SLC6A19: variants seen among roughly 807,000 people sequenced by gnomAD.
SLC6A19 encodes solute carrier family 6 member 19, also known as sodium-dependent neutral amino acid transporter B(0)AT1.
Under a neutral mutation model 68.3 loss-of-function variants are expected in SLC6A19, and 67 were observed. The observed-to-expected ratio is 0.98, with a 90% CI of 0.81 to 1.20. SLC6A19 has a LOEUF of 1.20. SLC6A19 is among the 50% of genes most tolerant of loss of function. SLC6A19 has a pLI of 0.00. For missense variants in SLC6A19, 813 were observed against 851.6 expected (o/e 0.95, Z 0.56); for synonymous variants, 392 against 374.9 (o/e 1.05, Z -0.53).
intron 1 of SLC6A19, among the ~76,000 whole-genome samples, chr5:1,204,056 G>A (rs1410930120): frequency 6.6e-6 from 1 of 152,152 alleles, no homozygotes; most frequent in Non-Finnish European, 1.5e-5. Context: ...GTGCATCTTA[G>A]TGAGGGCCCC....
rs1357940489 is a variant in SLC6A19 at position 1,212,084 on chromosome 5, C to A, written c.482-219C>A. Reference sequence around the variant, plus strand: ...GTGTGGGGTGTGCAGGTGCATGGACCAGATGTGCACACGAGGGTGTAGCTG... The same window carrying A: ...GTGTGGGGTGTGCAGGTGCATGGACAAGATGTGCACACGAGGGTGTAGCTG... On this transcript the variant is annotated intron_variant, in intron 3 of 11. Coordinates refer to ENST00000304460, the MANE Select transcript of SLC6A19 (RefSeq NM_001003841.3). This position sits in a 1 kb window ranked among gnomAD's most constrained non-coding sequence, Gnocchi z 5.1. 1.3e-5 allele frequency among the ~76,000 whole-genome samples: 2 copies of A among 148,238 alleles called. No homozygotes were observed. The highest frequency in any genetic ancestry group is 2.5e-5 in the African/African-American group (1 of 39,878).
At chr5:1,208,049 A>G (rs1010684084) in intron 1 of SLC6A19, among the ~76,000 whole-genome samples, 3 of 152,226 alleles carry the variant, frequency 2.0e-5, no homozygotes, top group African/African-American at 4.8e-5. Flanking sequence ...TATTGAATAC[A>G]TATATGTAAA....
intron 3 of SLC6A19, among the ~76,000 whole-genome samples, chr5:1,211,899 CTG>C (rs1039702355): frequency 2.1e-5 from 3 of 139,940 alleles, no homozygotes; most frequent in South Asian, 2.3e-4. Context: ...CACTTGTGTG[CTG>C]TGTGTGTACA....
At chr5:1,204,672 GC>G (rs67520985) in intron 1 of SLC6A19, among the ~76,000 whole-genome samples, 58,305 of 148,698 alleles carry the variant, frequency 0.39, 11,929 homozygotes, top group Non-Finnish European at 0.49. Flanking sequence ...CTCAGGGGCT[GC>G]CCCCCCAGCT....
intron 10 of SLC6A19, among the ~76,000 whole-genome samples, chr5:1,219,967 G>A (rs147109149): frequency 4.6e-5 from 7 of 152,302 alleles, no homozygotes; most frequent in Middle Eastern, 3.4e-3. Flanking sequence ...GCCCACGGCC[G>A]GGGATGCTCC....
In SLC6A19 at chr5:1,208,794, C is replaced by G; in HGVS notation, c.251C>G (p.Pro84Arg). The change falls in exon 2 of 12, where the codon CCC (proline) becomes CGC (arginine). Residue 84 changes from proline (P) to arginine (R), a missense_variant. Coordinates refer to ENST00000304460, the MANE Select transcript of SLC6A19 (RefSeq NM_001003841.3). ...FLILLVLEGI[P>R]LLYLEFAIGQ... Reference sequence around the variant, plus strand: ...ATCCTGCTGGTCCTGGAGGGCATCCCCCTGCTGTACCTGGAGTTCGCCATC... The same window carrying G: ...ATCCTGCTGGTCCTGGAGGGCATCCGCCTGCTGTACCTGGAGTTCGCCATC... 6.2e-7 allele frequency: 1 copy of G among 1,613,316 alleles called. No homozygotes were observed. Among genetic ancestry groups the G allele is most frequent in the Non-Finnish European group, 8.5e-7 (1 of 1,179,984 alleles).
chr5:1,219,458 G>T (rs964939727), intron 9 of SLC6A19, 47 bp from the exon 10 acceptor site: 1 of 1,604,456 alleles, frequency 6.2e-7, no homozygotes, highest in Non-Finnish European at 8.5e-7. Context: ...CCCTGGCCGT[G>T]CGTGCAGCCC....
In SLC6A19 at chr5:1,213,489, C is replaced by G; in HGVS notation, c.690C>G (p.Pro230=). Residue 230 remains proline (P), a synonymous_variant, in exon 5 of 12, where the codon CCC becomes CCG. Transcript: ENST00000304460. ...GKAVYITSTL[P]YVVLTIFLIR... Reference sequence around the variant, plus strand: ...CCGTGTACATCACCTCCACGCTGCCCTATGTCGTCCTGACCATCTTCCTCA... The same window carrying G: ...CCGTGTACATCACCTCCACGCTGCCGTATGTCGTCCTGACCATCTTCCTCA... The G allele has an allele frequency of 5.0e-6, 8 of 1,607,884 alleles. No individual in the cohort carries two copies. The highest frequency in any genetic ancestry group is 5.9e-6 in the Non-Finnish European group (7 of 1,178,644).
At chr5:1,217,598 G>T (rs568793733) in intron 8 of SLC6A19, among the ~76,000 whole-genome samples, 2 of 152,154 alleles carry the variant, frequency 1.3e-5, no homozygotes, top group African/African-American at 4.8e-5. Context: ...AGCCATTTCC[G>T]CACCAGCTGG....
chr5:1,219,787 G>A (rs964722072), intron 10 of SLC6A19, 123 bp downstream of exon 10: 190 of 1,370,106 alleles, frequency 1.4e-4, no homozygotes, highest in Middle Eastern at 2.0e-4. Flanking sequence ...TCGGGGCCTC[G>A]GCCGGCCACA....
At position 1,213,855 on chromosome 5, in the gene SLC6A19, A is replaced by G. The variant is rs138840474; in HGVS notation, c.775-98A>G. 1.8e-4 allele frequency: 282 copies of G among 1,584,256 alleles called. No homozygotes were observed. The African/African-American group carries it at 3.5e-3, about 19-fold the overall frequency. On this transcript the variant is annotated intron_variant, in intron 5 of 11. Coordinates refer to ENST00000304460, the MANE Select transcript of SLC6A19 (RefSeq NM_001003841.3). ...GCCCTGGCCTGTCCTGACCACCCCA[A>G]TAGCCTCGACCCTCCCCGCCTCCCT...
chr5:1,205,604 GAGT>G (rs1407487369), intron 1 of SLC6A19, among the ~76,000 whole-genome samples: 1 of 152,258 alleles, frequency 6.6e-6, no homozygotes. Context: ...TTTCAAGGAT[GAGT>G]AGGAGTTTTC....
intron 2 of SLC6A19, 71 bp downstream of exon 2, chr5:1,208,957 C>T (rs1745938227): frequency 6.5e-7 from 1 of 1,541,654 alleles, no homozygotes; most frequent in Non-Finnish European, 8.7e-7. Context: ...CACCCGGGCC[C>T]AGGGTTCGCC....
chr5:1,206,310 GTCTC>G (rs1745851027), intron 1 of SLC6A19, among the ~76,000 whole-genome samples: 1 of 139,480 alleles, frequency 7.2e-6, no homozygotes, highest in African/African-American at 3.4e-5. Context: ...CTGTGTGTGT[GTCTC>G]TCTGTCTCTT....
At chr5:1,202,594 T>C (rs113085436) in intron 1 of SLC6A19, among the ~76,000 whole-genome samples, 5 of 152,274 alleles carry the variant, frequency 3.3e-5, no homozygotes, top group South Asian at 2.1e-4. Context: ...ACCCCAAAGC[T>C]GCTGCCCTCA....
At chr5:1,203,952 C>A (rs1745783750) in intron 1 of SLC6A19, among the ~76,000 whole-genome samples, 1 of 152,196 alleles carries the variant, frequency 6.6e-6, no homozygotes, top group Non-Finnish European at 1.5e-5. Context: ...ACAGGGTCCC[C>A]TCCTATGGCT....
Position 1,212,629 on chromosome 5 carries a change from C to T in SLC6A19, c.663+145C>T. 9.2e-7 allele frequency: 1 copy of T among 1,086,850 alleles called. No homozygotes were observed. Among genetic ancestry groups the T allele is most frequent in the Non-Finnish European group, 1.3e-6 (1 of 754,476 alleles). 67.3% of individuals were successfully genotyped at this position (1,086,850 alleles called of 1,614,324 possible). ...GACCCCACCAAGAGAGCTGCCTTTG[C>T]CCTTAGGCTCACTGGCCTGGGCGGG... On this transcript the variant is annotated intron_variant, in intron 4 of 11. Coordinates refer to ENST00000304460, the MANE Select transcript of SLC6A19 (RefSeq NM_001003841.3). This position sits in a 1 kb window ranked among gnomAD's most constrained non-coding sequence, Gnocchi z 5.1.
chr5:1,216,228 C>T lies in SLC6A19; in HGVS notation c.888-330C>T, dbSNP rs540933178. Among the ~76,000 whole-genome samples, 10 of 152,278 alleles carry T rather than the reference C, an allele frequency of 6.6e-5. No individual in the cohort carries two copies. The South Asian group carries it at 1.0e-3, about 16-fold the overall frequency. On this transcript the variant is annotated intron_variant, in intron 6 of 11. Transcript: ENST00000304460. ...CCTGGAGCTGTCCCTAGAGGCTTGA[C>T]GGAGGTTACCGCAGGCACAAGACGG...
rs200608959 is a variant in SLC6A19 at position 1,201,663 on chromosome 5, G to A, written c.13G>A (p.Val5Met). MVRL[V>M]LPNPGLDARI... is the part of the protein sequence containing the mutation. ...TCCAGCGACCACCATGGTGAGGCTC[G>A]TGCTGCCCAACCCCGGCCTAGACGC... The change falls in exon 1 of 12, where the codon GTG becomes ATG. Residue 5 changes from valine (V) to methionine (M), a missense_variant. Physicochemically the swap from Val to Met is conservative, Grantham distance 21. Coordinates refer to ENST00000304460, the MANE Select transcript of SLC6A19 (RefSeq NM_001003841.3). 2.7e-5 allele frequency: 43 copies of A among 1,606,164 alleles called. No homozygotes were observed. Among genetic ancestry groups the A allele is most frequent in the Admixed American group, 3.3e-5 (2 of 59,756 alleles).
Sources: allele counts gnomAD v4.1 joint callset (sites outside exome capture counted in the v4.1 genomes callset), GRCh38; gene constraint gnomAD v4.1.1; non-coding constraint Gnocchi (gnomAD v3.1); transcripts MANE v1.5; gene names NCBI Gene and HGNC (gene_info 2026-07-23, HGNC 2026-07-21).